The following GPC5 variants were observed in gnomAD, a reference collection of about 807,000 sequenced individuals.
GPC5 encodes the protein glypican 5, also known as glypican-5.
A neutral mutation model predicts 53.9 loss-of-function variants in GPC5; 47 were observed. That is an observed-to-expected ratio of 0.87 (90% confidence interval 0.69 to 1.11). GPC5 has a LOEUF of 1.11. Ranked by LOEUF, GPC5 falls within the 50% of genes most tolerant of loss-of-function variation. GPC5 has a pLI of 0.00. For missense variants in GPC5, 748 were observed against 713.1 expected, an observed-to-expected ratio of 1.05 and a Z score of -0.56; for synonymous variants, 286 against 263.3, an observed-to-expected ratio of 1.09 and a Z score of -0.84.
rs1270247184 is a variant in GPC5, at chr13:92,775,009, TTC to T, written c.1562-91269_1562-91268del. Among the ~76,000 whole-genome samples the T allele has an allele frequency of 5.3e-5, 8 of 152,340 alleles. No individual in the cohort carries two copies. The South Asian group carries it at 1.2e-3, about 24-fold the overall frequency. ...AGGCTGAAAGGACACCAGCCACACA[TTC>T]TCTGTGTCCTCCATTTCTTTACATT... On this transcript the variant is annotated intron_variant, in intron 7 of 7. Transcript: ENST00000377067.
chr13:92,763,554 A>C (rs570677424), intron 7 of GPC5, among the ~76,000 whole-genome samples: 1 of 152,272 alleles, frequency 6.6e-6, no homozygotes, highest in African/African-American at 2.4e-5. Context: ...ACAGCCCACA[A>C]GCTGCTGCAG....
At chr13:92,226,727 CA>C (rs760894102) in intron 7 of GPC5, among the ~76,000 whole-genome samples, 1 of 151,648 alleles carries the variant, frequency 6.6e-6, no homozygotes, top group Admixed American at 6.6e-5. Flanking sequence ...GTCTCCCGAG[CA>C]GCTGGGATTA....
intron 7 of GPC5, among the ~76,000 whole-genome samples, chr13:92,359,464 C>T (rs562359294): frequency 1.3e-5 from 2 of 151,790 alleles, no homozygotes; most frequent in Admixed American, 6.6e-5. Flanking sequence ...GCCCATTACC[C>T]AGTCCCAAAC....
intron 2 of GPC5, among the ~76,000 whole-genome samples, chr13:91,601,395 G>A (rs2033175883): frequency 6.6e-6 from 1 of 152,178 alleles, no homozygotes; most frequent in Non-Finnish European, 1.5e-5. Context: ...TAAAATAAGG[G>A]AGAAGGGCAG....
intron 6 of GPC5, among the ~76,000 whole-genome samples, chr13:92,128,533 A>G (rs959210746): frequency 5.3e-5 from 8 of 152,242 alleles, no homozygotes; most frequent in African/African-American, 1.9e-4. Flanking sequence ...TCTTAATAAT[A>G]TCTCAGAATG....
chr13:92,405,826 A>T (rs1478878260), intron 7 of GPC5, among the ~76,000 whole-genome samples: 1 of 152,170 alleles, frequency 6.6e-6, no homozygotes, highest in Non-Finnish European at 1.5e-5. Flanking sequence ...TCACACGTTT[A>T]TTGGAAAGTT....
intron 7 of GPC5, among the ~76,000 whole-genome samples, chr13:92,838,377 A>G (rs575663857): frequency 6.6e-6 from 1 of 151,262 alleles, no homozygotes; most frequent in East Asian, 2.0e-4. Flanking sequence ...CCAGCTACTC[A>G]GGAGGCTGAG....
chr13:92,555,295 G>T lies in GPC5; in HGVS notation c.1562-310987G>T, dbSNP rs150062558. Among the ~76,000 whole-genome samples the T allele has an allele frequency of 2.3e-3, 344 of 150,864 alleles. 2 individuals are homozygous for T. Among genetic ancestry groups the T allele is most frequent in the African/African-American group, 7.9e-3 (327 of 41,258 alleles). On this transcript the variant is annotated intron_variant, in intron 7 of 7. Transcript: ENST00000377067. ...AGAATAAGACATCCTGATTAAATAG[G>T]GTTTATCTCAGGAAAGCAAGCAATG... is the stretch of plus-strand genomic sequence containing the variant.
rs186033442 is a variant in GPC5 at position 91,835,742 on chromosome 13, G to T, written c.1281-72195G>T. Among the ~76,000 whole-genome samples the T allele has an allele frequency of 1.6e-3, 242 of 152,124 alleles. No homozygotes were observed. In the Middle Eastern group the frequency reaches 0.054, roughly 34 times the overall value. Reference sequence around the variant, plus strand: ...TACATCAGGGCCTGTCGGGGGTTGGGGGGTGAGGGGAGGGATAGAATTAGG... The same window carrying T: ...TACATCAGGGCCTGTCGGGGGTTGGTGGGTGAGGGGAGGGATAGAATTAGG... On this transcript the variant is annotated intron_variant, in intron 5 of 7. Transcript: ENST00000377067.
chr13:91,926,680 C>A (rs942002603), intron 6 of GPC5, among the ~76,000 whole-genome samples: 1 of 152,146 alleles, frequency 6.6e-6, no homozygotes, highest in African/African-American at 2.4e-5. Context: ...CAGCAAGGAT[C>A]GAAGTCAAGG....
At chr13:91,643,620 A>G (rs955945040) in intron 2 of GPC5, among the ~76,000 whole-genome samples, 6 of 152,338 alleles carry the variant, frequency 3.9e-5, no homozygotes, top group Non-Finnish European at 7.3e-5. Flanking sequence ...GAAATTTATC[A>G]TCTTTACTGT....
Position 92,243,848 on chromosome 13 carries a change from A to T in GPC5, c.1561+98859A>T, listed in dbSNP as rs145401098. 2.9e-3 allele frequency among the ~76,000 whole-genome samples: 443 copies of T among 152,246 alleles called. 3 individuals carry two copies. The highest frequency in any genetic ancestry group is 0.01 in the African/African-American group (428 of 41,548). ...TAAGGAAAGAGTACAGCTAAAGAAG[A>T]GATGGCAGCCAGAACCTACCCTTTT... is the stretch of plus-strand genomic sequence containing the variant. On this transcript the variant is annotated intron_variant, in intron 7 of 7. Coordinates refer to ENST00000377067, the MANE Select transcript of GPC5 (RefSeq NM_004466.6).
intron 6 of GPC5, among the ~76,000 whole-genome samples, chr13:91,927,433 T>A (rs1257075221): frequency 1.3e-5 from 2 of 152,180 alleles, no homozygotes; most frequent in Non-Finnish European, 2.9e-5. Context: ...AAATTTAGAA[T>A]TCTGCATTAA....
At chr13:91,589,206 C>G (rs2032707715) in intron 2 of GPC5, among the ~76,000 whole-genome samples, 1 of 152,102 alleles carries the variant, frequency 6.6e-6, no homozygotes, top group Non-Finnish European at 1.5e-5. Flanking sequence ...TATGATAACA[C>G]TTTTCTAATC....
chr13:91,921,803 GA>G (rs1286533141), intron 6 of GPC5, among the ~76,000 whole-genome samples: 12 of 151,236 alleles, frequency 7.9e-5, no homozygotes, highest in African/African-American at 2.7e-4. Flanking sequence ...AAGAAAGAAA[GA>G]AAGAAAGAAA....
At chr13:92,802,425 T>C (rs898368873) in intron 7 of GPC5, among the ~76,000 whole-genome samples, 10 of 151,966 alleles carry the variant, frequency 6.6e-5, no homozygotes, top group Admixed American at 2.0e-4. Context: ...TTGTTGTTTA[T>C]ATATTTATTA....
chr13:92,602,613 T>G (rs1024970239), intron 7 of GPC5, among the ~76,000 whole-genome samples: 1 of 152,146 alleles, frequency 6.6e-6, no homozygotes, highest in Non-Finnish European at 1.5e-5. Flanking sequence ...TCTTGCAGAC[T>G]CTTTCTGAGA....
chr13:92,758,082 C>CA (rs1374543763), intron 7 of GPC5, among the ~76,000 whole-genome samples: 1 of 149,840 alleles, frequency 6.7e-6, no homozygotes, highest in Non-Finnish European at 1.5e-5. Flanking sequence ...GGAACCAACC[C>CA]AAATGTCCAA....
intron 7 of GPC5, among the ~76,000 whole-genome samples, chr13:92,376,674 A>G (rs1381460080): frequency 2.0e-5 from 3 of 152,174 alleles, no homozygotes; most frequent in Non-Finnish European, 4.4e-5. Context: ...GGATCCAAAA[A>G]TGGGGTTCTC....
Sources: allele counts gnomAD v4.1 joint callset (sites outside exome capture counted in the v4.1 genomes callset), GRCh38; gene constraint gnomAD v4.1.1; transcripts MANE v1.5; gene names NCBI Gene and HGNC (gene_info 2026-07-23, HGNC 2026-07-21).